The following PDZRN4 variants were observed in gnomAD, a reference collection of about 807,000 sequenced individuals.
PDZRN4 encodes PDZ domain containing ring finger 4.
PDZRN4 carries 70 observed loss-of-function variants against 99.0 expected under a neutral mutation model. That is an observed-to-expected ratio of 0.71 (90% CI 0.58 to 0.86). The LOEUF is 0.86. Among genes scored for constraint, PDZRN4 ranks in the 40% least tolerant of loss-of-function variants. The pLI is 0.00. For missense variants in PDZRN4, 1,474 were observed against 1,331.2 expected, an observed-to-expected ratio of 1.11 and a Z score of -1.67; for synonymous variants, 551 against 501.6, an observed-to-expected ratio of 1.10 and a Z score of -1.32.
intron 3 of PDZRN4, among the ~76,000 whole-genome samples, chr12:41,380,356 C>CCTTA (rs1158115264): frequency 1.3e-5 from 2 of 151,976 alleles, no homozygotes; most frequent in African/African-American, 4.8e-5. Context: ...ATAGATAAGG[C>CCTTA]CTTGCTATTG....
At chr12:41,209,901 A>C (rs1450593361) in intron 3 of PDZRN4, among the ~76,000 whole-genome samples, 2 of 148,358 alleles carry the variant, frequency 1.3e-5, no homozygotes, top group South Asian at 2.2e-4. Context: ...TTCTTGTTCT[A>C]GATCCCTGAG....
At chr12:41,326,999 A>G (rs918924143) in intron 3 of PDZRN4, among the ~76,000 whole-genome samples, 6 of 152,098 alleles carry the variant, frequency 3.9e-5, no homozygotes, top group Non-Finnish European at 5.9e-5. Context: ...ATTTTTTTCA[A>G]TCAGTTTCTC....
chr12:41,273,722 T>C (rs73120977), intron 3 of PDZRN4, among the ~76,000 whole-genome samples: 3,619 of 152,226 alleles, frequency 0.024, 143 homozygotes, highest in African/African-American at 0.082. Context: ...ACATAAAATC[T>C]TATTTTTAAT....
chr12:41,512,229 A>G (rs1938318803), intron 5 of PDZRN4, among the ~76,000 whole-genome samples: 1 of 152,080 alleles, frequency 6.6e-6, no homozygotes, highest in African/African-American at 2.4e-5. Flanking sequence ...GCAGTTATCT[A>G]TGCATGGGAT....
intron 3 of PDZRN4, among the ~76,000 whole-genome samples, chr12:41,260,383 G>A (rs1951229268): frequency 6.6e-6 from 1 of 152,002 alleles, no homozygotes; most frequent in African/African-American, 2.4e-5. Context: ...GGTGGTCTCT[G>A]ATTAAACAAG....
At chr12:41,412,341 C>T (rs1952406374) in intron 3 of PDZRN4, 1 of 152,150 alleles carries the variant, frequency 6.6e-6, no homozygotes, top group African/African-American at 2.4e-5. Flanking sequence ...TAGCAAAGGG[C>T]ATGAGCGAGA....
chr12:41,513,229 A>G (rs1938340259), intron 5 of PDZRN4, among the ~76,000 whole-genome samples: 1 of 152,082 alleles, frequency 6.6e-6, no homozygotes, highest in African/African-American at 2.4e-5. Flanking sequence ...CACGGCAGAC[A>G]AGCAAATGCT....
At chr12:41,220,374 A>T (rs1303458065) in intron 3 of PDZRN4, among the ~76,000 whole-genome samples, 5 of 152,052 alleles carry the variant, frequency 3.3e-5, no homozygotes, top group Non-Finnish European at 2.9e-5. Context: ...GATCACCCTG[A>T]TGGCCTCACT....
intron 3 of PDZRN4, among the ~76,000 whole-genome samples, chr12:41,281,990 T>C (rs890850033): frequency 1.3e-5 from 2 of 152,168 alleles, no homozygotes; most frequent in African/African-American, 4.8e-5. Flanking sequence ...CCAGCTAACA[T>C]CATAATGACA....
intron 3 of PDZRN4, among the ~76,000 whole-genome samples, chr12:41,499,285 T>A (rs1286838806): frequency 6.6e-6 from 1 of 152,038 alleles, no homozygotes; most frequent in African/African-American, 2.4e-5. Context: ...AGATTGTGGA[T>A]CTGAAAGACA....
chr12:41,341,196 TG>T, intron 3 of PDZRN4, among the ~76,000 whole-genome samples: 1 of 150,550 alleles, frequency 6.6e-6, no homozygotes, highest in South Asian at 2.1e-4. Flanking sequence ...AAATTAGGTA[TG>T]GAGAATATGC....
At chr12:41,351,643 C>T (rs907030776) in intron 3 of PDZRN4, among the ~76,000 whole-genome samples, 5 of 151,948 alleles carry the variant, frequency 3.3e-5, no homozygotes, top group African/African-American at 1.2e-4. Context: ...AACTCTGTCA[C>T]AAGATCAGCA....
rs555352800 is a variant in PDZRN4, at chr12:41,382,648, A to G, written c.844-123808A>G. Reference sequence around the variant, plus strand: ...ATCAGCAATCTCTCTGCCTTTTCCAAGATGCACCTTTTCCATTACACTATT... The same window carrying G: ...ATCAGCAATCTCTCTGCCTTTTCCAGGATGCACCTTTTCCATTACACTATT... On this transcript the variant is annotated intron_variant, in intron 3 of 9. Coordinates refer to ENST00000402685, the MANE Select transcript of PDZRN4 (RefSeq NM_001164595.2). Among the ~76,000 whole-genome samples, 217 of 152,324 alleles carry G rather than the reference A, an allele frequency of 1.4e-3. 2 individuals are homozygous for G. Among genetic ancestry groups the G allele is most frequent in the South Asian group, 5.2e-3 (25 of 4,822 alleles).
chr12:41,363,779 T>C (rs1003701534), intron 3 of PDZRN4, among the ~76,000 whole-genome samples: 3 of 152,066 alleles, frequency 2.0e-5, no homozygotes, highest in African/African-American at 7.2e-5. Flanking sequence ...CAAAGGCAAA[T>C]TGGGCAGGGC....
At chr12:41,548,820 A>G (rs1315889221) in intron 5 of PDZRN4, among the ~76,000 whole-genome samples, 1 of 152,172 alleles carries the variant, frequency 6.6e-6, no homozygotes, top group Non-Finnish European at 1.5e-5. Flanking sequence ...ACACCGCTGG[A>G]GTACAACCAA....
chr12:41,525,642 A>G (rs1280122984), intron 5 of PDZRN4, among the ~76,000 whole-genome samples: 1 of 152,154 alleles, frequency 6.6e-6, no homozygotes, highest in Non-Finnish European at 1.5e-5. Flanking sequence ...TCTCTATTCC[A>G]TCATTTAACC....
chr12:41,503,874 C>G (rs1204166526), intron 3 of PDZRN4, among the ~76,000 whole-genome samples: 1 of 151,980 alleles, frequency 6.6e-6, no homozygotes, highest in Non-Finnish European at 1.5e-5. Flanking sequence ...AAAGTTGCCT[C>G]AAAAAAATGG....
In PDZRN4 at chr12:41,462,958, G is replaced by A. The variant is rs182631041; in HGVS notation, c.844-43498G>A. 2.0e-3 allele frequency among the ~76,000 whole-genome samples: 306 copies of A among 152,222 alleles called. 2 individuals carry two copies. The highest frequency in any genetic ancestry group is 3.2e-3 in the Non-Finnish European group (215 of 68,014). On this transcript the variant is annotated intron_variant, in intron 3 of 9. Coordinates refer to ENST00000402685, the MANE Select transcript of PDZRN4 (RefSeq NM_001164595.2). ...TGGCTTCCTCAAGGATCAGAAGGAGGGATGGAATATCTGACCCCTGAGATT... is the reference window on the plus strand; with the variant it reads ...TGGCTTCCTCAAGGATCAGAAGGAGAGATGGAATATCTGACCCCTGAGATT...
rs1437839222 is a variant in PDZRN4, at chr12:41,188,473, G to A, written c.18G>A (p.Glu6=). MGFAL[E]RFAEAVDPAL... ...TCCCTAACATGGGCTTTGCCCTGGAGCGCTTCGCAGAAGCCGTGGACCCGG... is the reference window on the plus strand; with the variant it reads ...TCCCTAACATGGGCTTTGCCCTGGAACGCTTCGCAGAAGCCGTGGACCCGG... Residue 6 remains glutamate, a synonymous_variant, in exon 1 of 10, where the codon GAG becomes GAA. Coordinates refer to ENST00000402685, the MANE Select transcript of PDZRN4 (RefSeq NM_001164595.2). 3.1e-6 allele frequency: 5 copies of A among 1,591,214 alleles called. No homozygotes were observed. The highest frequency in any genetic ancestry group is 4.3e-6 in the Non-Finnish European group (5 of 1,176,452).
Sources: gnomAD v4.1 joint callset for allele counts (sites outside exome capture counted in the v4.1 genomes callset) on GRCh38, gnomAD v4.1.1 for gene constraint, MANE v1.5 for transcripts, NCBI Gene and HGNC (gene_info 2026-07-23, HGNC 2026-07-21) for gene names.